Variants in KIAA1217 observed in about 807,000 individuals in gnomAD.
KIAA1217 encodes sickle tail protein homolog.
KIAA1217 carries 88 observed loss-of-function variants against 163.9 expected under a neutral mutation model. The ratio of observed to expected loss-of-function variants is 0.54; its 90% CI spans 0.45 to 0.64. The LOEUF (loss-of-function observed/expected upper bound fraction) is 0.64. Ranked by LOEUF, KIAA1217 falls within the 30% of genes least tolerant of loss-of-function variation. KIAA1217 has a pLI of 0.00. For synonymous variants in KIAA1217, 903 were observed against 923.1 expected (o/e 0.98, Z 0.39); for missense variants, 2,372 against 2,475.0 (o/e 0.96, Z 0.88).
At chr10:23,885,005 C>G (rs992989548) in intron 1 of KIAA1217, among the ~76,000 whole-genome samples, 8 of 151,900 alleles carry the variant, frequency 5.3e-5, no homozygotes, top group African/African-American at 1.7e-4. Flanking sequence ...TTTCTCCAGT[C>G]TTGCCACACT....
intron 2 of KIAA1217, among the ~76,000 whole-genome samples, chr10:24,311,709 C>T (rs1022113443): frequency 1.3e-5 from 2 of 152,020 alleles, no homozygotes; most frequent in East Asian, 1.9e-4. Context: ...TTGTATCTCA[C>T]GAGGGTCAGG....
At chr10:24,470,617 G>A (rs185614765) in intron 5 of KIAA1217, among the ~76,000 whole-genome samples, 9 of 152,258 alleles carry the variant, frequency 5.9e-5, no homozygotes, top group African/African-American at 1.7e-4. Context: ...TGTGTGTTTT[G>A]GGAGGGGAGT....
chr10:24,101,582 T>A (rs2062417517), intron 2 of KIAA1217, among the ~76,000 whole-genome samples: 1 of 152,282 alleles, frequency 6.6e-6, no homozygotes, highest in East Asian at 1.9e-4. Context: ...TGGGAGCTAA[T>A]AATGAATTAC....
chr10:23,796,525 G>T (rs948861417), intron 1 of KIAA1217, among the ~76,000 whole-genome samples: 9 of 151,966 alleles, frequency 5.9e-5, no homozygotes, highest in Non-Finnish European at 1.3e-4. Flanking sequence ...TACCACACTG[G>T]TTAATTTTTG....
chr10:24,089,067 G>C (rs906753547), intron 2 of KIAA1217, among the ~76,000 whole-genome samples: 11 of 125,464 alleles, frequency 8.8e-5, no homozygotes, highest in African/African-American at 2.8e-4. Context: ...ATTTTTTCAT[G>C]TGTCTGTTGC....
At chr10:24,514,494 T>C (rs192964110) in intron 10 of KIAA1217, among the ~76,000 whole-genome samples, 60 of 152,334 alleles carry the variant, frequency 3.9e-4, no homozygotes, top group African/African-American at 1.3e-3. Context: ...ATTTGAGTTA[T>C]TCTTTTCCTA....
At chr10:24,272,293 G>A (rs2076849009) in intron 2 of KIAA1217, among the ~76,000 whole-genome samples, 1 of 152,166 alleles carries the variant, frequency 6.6e-6, no homozygotes, top group Non-Finnish European at 1.5e-5. Context: ...AGCTAGGAGT[G>A]CTTGAATCTA....
At chr10:23,717,235 G>A (rs2130751847) in intron 1 of KIAA1217, among the ~76,000 whole-genome samples, 1 of 152,088 alleles carries the variant, frequency 6.6e-6, no homozygotes, top group East Asian at 1.9e-4. Flanking sequence ...CTGTGCTTAT[G>A]TATTTTTAAA....
At chr10:23,810,821 T>C (rs1313306774) in intron 1 of KIAA1217, among the ~76,000 whole-genome samples, 1 of 124,930 alleles carries the variant, frequency 8.0e-6, no homozygotes. Context: ...TACTAATTAT[T>C]ATATATACTA....
intron 2 of KIAA1217, among the ~76,000 whole-genome samples, chr10:24,327,583 TG>T (rs977855444): frequency 6.6e-6 from 1 of 152,078 alleles, no homozygotes; most frequent in African/African-American, 2.4e-5. Flanking sequence ...CTCAAACTCC[TG>T]GGTTGAAGCG....
intron 13 of KIAA1217, among the ~76,000 whole-genome samples, chr10:24,527,659 G>C (rs2072408632): frequency 6.6e-6 from 1 of 152,080 alleles, no homozygotes. Flanking sequence ...TTGAGACCCT[G>C]CCTCTAAAAA....
In KIAA1217 at chr10:23,744,602, G is replaced by A. The variant is rs78280691; in HGVS notation, c.-321+49368G>A. ...GCAGCCCTGGGAAGTACGTGGAAAA[G>A]GCATGATGGAAATGATTACGGAAGG... On this transcript the variant is annotated intron_variant, in intron 1 of 18. Transcript: ENST00000376462. 9.1e-3 allele frequency among the ~76,000 whole-genome samples: 1,382 copies of A among 152,272 alleles called. 20 individuals are homozygous for A. Among genetic ancestry groups the A allele is most frequent in the African/African-American group, 0.032 (1,316 of 41,540 alleles).
chr10:24,339,758 A>T (rs1276421407), intron 2 of KIAA1217, among the ~76,000 whole-genome samples: 1 of 152,328 alleles, frequency 6.6e-6, no homozygotes, highest in East Asian at 1.9e-4. Context: ...TCTCTCTGAG[A>T]CTTTTATTAT....
chr10:23,947,014 G>A (rs558119452), intron 1 of KIAA1217, among the ~76,000 whole-genome samples: 7 of 152,146 alleles, frequency 4.6e-5, no homozygotes, highest in African/African-American at 7.2e-5. Flanking sequence ...TTTAGAAGGC[G>A]CTTTTCCCCA....
chr10:24,491,286 C>CTTT (rs1169407580), intron 6 of KIAA1217, among the ~76,000 whole-genome samples: 36 of 114,708 alleles, frequency 3.1e-4, no homozygotes, highest in Non-Finnish European at 3.9e-4. Context: ...TTTTTTTTTC[C>CTTT]TTTTTTTTTT....
chr10:24,213,722 G>T (rs187599409), intron 1 of KIAA1217, among the ~76,000 whole-genome samples: 3 of 152,316 alleles, frequency 2.0e-5, no homozygotes, highest in Admixed American at 2.0e-4. Flanking sequence ...GCTTGACACA[G>T]AATGCTTTTC....
chr10:23,699,775 C>T (rs1836304602), intron 1 of KIAA1217, among the ~76,000 whole-genome samples: 1 of 152,196 alleles, frequency 6.6e-6, no homozygotes, highest in Non-Finnish European at 1.5e-5. Flanking sequence ...CAGGCATGAG[C>T]CACTGTGCCC....
chr10:24,027,141 G>C (rs1426842600), intron 2 of KIAA1217, among the ~76,000 whole-genome samples: 1 of 151,730 alleles, frequency 6.6e-6, no homozygotes, highest in Non-Finnish European at 1.5e-5. Context: ...TCATAGTTCT[G>C]TGCAGCACCT....
intron 1 of KIAA1217, among the ~76,000 whole-genome samples, chr10:23,872,522 T>C (rs1355026252): frequency 2.0e-5 from 3 of 152,054 alleles, no homozygotes; most frequent in Non-Finnish European, 4.4e-5. Flanking sequence ...GAGAGCTTCA[T>C]TTACCACCAC....
Sources: gnomAD v4.1 joint callset for allele counts (sites outside exome capture counted in the v4.1 genomes callset) on GRCh38, gnomAD v4.1.1 for gene constraint, MANE v1.5 for transcripts, NCBI Gene and HGNC (gene_info 2026-07-23, HGNC 2026-07-21) for gene names.